The following THSD7B variants were observed in gnomAD, a reference collection of about 807,000 sequenced individuals.
THSD7B encodes the protein thrombospondin type-1 domain-containing protein 7B.
In THSD7B, 138 loss-of-function variants were observed where a neutral mutation model predicts 213.6. The ratio of observed to expected loss-of-function variants is 0.65; its 90% CI spans 0.56 to 0.74. The LOEUF is 0.74. THSD7B is among the 30% of genes least tolerant of loss of function. The pLI, the probability that THSD7B is intolerant of heterozygous loss-of-function variation, is 0.00. For synonymous variants in THSD7B, 742 were observed against 687.0 expected, an observed-to-expected ratio of 1.08 and a Z score of -1.25; for missense variants, 1,931 against 1,991.5, an observed-to-expected ratio of 0.97 and a Z score of 0.58.
chr2:137,646,407 C>T (rs952160763), intron 21 of THSD7B, among the ~76,000 whole-genome samples: 3 of 147,300 alleles, frequency 2.0e-5, no homozygotes, highest in East Asian at 2.0e-4. Flanking sequence ...TTTGGGAGGC[C>T]GAGGAGGGTG....
chr2:137,056,586 C>T lies in THSD7B; in HGVS notation c.306C>T (p.Asp102=). 1 of 1,613,856 alleles carries T rather than the reference C, an allele frequency of 6.2e-7. No homozygotes were observed. The highest frequency in any genetic ancestry group is 8.5e-7 in the Non-Finnish European group (1 of 1,179,876). ...SCFRVCDWHS[D]LFQWEVSDWH... Reference sequence around the variant, plus strand: ...TCCGAGTTTGTGACTGGCACAGTGACCTCTTTCAGTGGGAGGTTTCTGACT... The same window carrying T: ...TCCGAGTTTGTGACTGGCACAGTGATCTCTTTCAGTGGGAGGTTTCTGACT... Residue 102 remains aspartate (D), a synonymous_variant, in exon 3 of 28, where the codon GAC becomes GAT. Coordinates refer to ENST00000409968, the MANE Select transcript of THSD7B (RefSeq NM_001316349.2).
chr2:137,017,005 TG>T (rs1686354222), intron 2 of THSD7B, among the ~76,000 whole-genome samples: 1 of 152,180 alleles, frequency 6.6e-6, no homozygotes, highest in South Asian at 2.1e-4. Context: ...CCCATTATGT[TG>T]TAAATAGGAA....
intron 7 of THSD7B, among the ~76,000 whole-genome samples, chr2:137,203,718 GTA>G (rs1680924687): frequency 6.6e-6 from 1 of 152,058 alleles, no homozygotes; most frequent in African/African-American, 2.4e-5. Flanking sequence ...GTGTGTTTGT[GTA>G]TGTGTGTGTG....
intron 3 of THSD7B, among the ~76,000 whole-genome samples, chr2:137,063,295 AATTGT>A (rs1478565317): frequency 1.3e-5 from 2 of 152,024 alleles, no homozygotes; most frequent in Non-Finnish European, 2.9e-5. Flanking sequence ...TCATCAATAC[AATTGT>A]ATTAATATTT....
intron 15 of THSD7B, among the ~76,000 whole-genome samples, chr2:137,531,295 G>A (rs1021994581): frequency 2.0e-5 from 3 of 151,828 alleles, no homozygotes; most frequent in African/African-American, 7.3e-5. Context: ...ATTAATCATG[G>A]CAATTAGGCT....
intron 12 of THSD7B, among the ~76,000 whole-genome samples, chr2:137,379,227 T>G: frequency 6.6e-6 from 1 of 152,228 alleles, no homozygotes; most frequent in East Asian, 1.9e-4. Context: ...TTCACTTTTT[T>G]TGAGGCAACA....
At chr2:137,317,937 G>A (rs1269502346) in intron 12 of THSD7B, among the ~76,000 whole-genome samples, 1 of 151,888 alleles carries the variant, frequency 6.6e-6, no homozygotes, top group Non-Finnish European at 1.5e-5. Context: ...TATGGGGGAG[G>A]GGGGAAGAAA....
intron 12 of THSD7B, among the ~76,000 whole-genome samples, chr2:137,383,995 T>G (rs995826466): frequency 2.0e-5 from 3 of 152,138 alleles, no homozygotes; most frequent in African/African-American, 7.2e-5. Context: ...AATTAAGCAT[T>G]TTTTTAAAAA....
chr2:137,298,762 C>T (rs951093129), intron 12 of THSD7B, among the ~76,000 whole-genome samples: 1 of 152,138 alleles, frequency 6.6e-6, no homozygotes, highest in African/African-American at 2.4e-5. Flanking sequence ...TGGTGTTGAG[C>T]CTGCGGGTGC....
In THSD7B at chr2:137,487,396, A is replaced by AAAAAAAAAAAAAC. The variant is rs757398774; in HGVS notation, c.3138+36376_3138+36377insAAAAAAAAACAAA. Among the ~76,000 whole-genome samples, 36 of 120,934 alleles carry AAAAAAAAAAAAAC rather than the reference A, an allele frequency of 3.0e-4. 2 individuals carry two copies. Among genetic ancestry groups the AAAAAAAAAAAAAC allele is most frequent in the South Asian group, 8.1e-4 (3 of 3,694 alleles). 79.3% of individuals were successfully genotyped at this position (120,934 alleles called of 152,430 possible). On this transcript the variant is annotated intron_variant, in intron 15 of 27. Transcript: ENST00000409968. ...TCTCAAAAAAAAAAAAAAAAAAAAAAAAAGAACTAGAAAAGCAAGAGCAAA... is the reference window on the plus strand; with the variant it reads ...TCTCAAAAAAAAAAAAAAAAAAAAAAAAAAAAAAAAAACAAAGAACTAGAAAAGCAAGAGCAAA...
At chr2:137,519,030 G>A (rs1476072307) in intron 15 of THSD7B, among the ~76,000 whole-genome samples, 2 of 152,158 alleles carry the variant, frequency 1.3e-5, no homozygotes, top group Non-Finnish European at 2.9e-5. Flanking sequence ...GGTGGATCAC[G>A]AGGTCAGGAG....
intron 12 of THSD7B, among the ~76,000 whole-genome samples, chr2:137,316,363 T>C (rs895732956): frequency 6.6e-6 from 1 of 152,266 alleles, no homozygotes; most frequent in Non-Finnish European, 1.5e-5. Context: ...ACTAAGAATT[T>C]ACTCCAGGTT....
intron 1 of THSD7B, among the ~76,000 whole-genome samples, chr2:136,840,337 C>T (rs992997050): frequency 1.3e-5 from 2 of 152,050 alleles, no homozygotes; most frequent in Non-Finnish European, 2.9e-5. Flanking sequence ...TGAGATTGCG[C>T]CATTGCACTC....
At chr2:136,833,737 T>G (rs973713130) in intron 1 of THSD7B, among the ~76,000 whole-genome samples, 1 of 152,204 alleles carries the variant, frequency 6.6e-6, no homozygotes, top group Non-Finnish European at 1.5e-5. Flanking sequence ...AGACCATCAT[T>G]AAGCGTCTTT....
chr2:137,230,764 C>T (rs1681617475), intron 7 of THSD7B, among the ~76,000 whole-genome samples: 1 of 152,098 alleles, frequency 6.6e-6, no homozygotes, highest in Non-Finnish European at 1.5e-5. Context: ...TATGGTTGTC[C>T]ATAACACATC....
At position 137,524,758 on chromosome 2, in the gene THSD7B, T is replaced by C. The variant is rs758614164; in HGVS notation, c.3139-38463T>C. Among the ~76,000 whole-genome samples, 9 of 152,190 alleles carry C rather than the reference T, an allele frequency of 5.9e-5. No homozygotes were observed. In the South Asian group the frequency reaches 1.0e-3, roughly 18 times the overall value. ...GACAACCTTAAGACTGTTCTTAGGATGAATATTCCATGGATATGTACCTGT... is the reference window on the plus strand; with the variant it reads ...GACAACCTTAAGACTGTTCTTAGGACGAATATTCCATGGATATGTACCTGT... On this transcript the variant is annotated intron_variant, in intron 15 of 27. Coordinates refer to ENST00000409968, the MANE Select transcript of THSD7B (RefSeq NM_001316349.2).
intron 18 of THSD7B, among the ~76,000 whole-genome samples, chr2:137,617,894 T>A (rs1682436953): frequency 6.6e-6 from 1 of 152,146 alleles, no homozygotes. Flanking sequence ...ATTTCATTCA[T>A]GAGAGCTCAG....
intron 9 of THSD7B, among the ~76,000 whole-genome samples, chr2:137,237,675 T>G (rs1681798563): frequency 6.6e-6 from 1 of 152,220 alleles, no homozygotes; most frequent in South Asian, 2.1e-4. Flanking sequence ...CTTTACCTTT[T>G]TCAGAAGTTG....
chr2:137,518,947 C>T (rs967860610), intron 15 of THSD7B, among the ~76,000 whole-genome samples: 1 of 152,142 alleles, frequency 6.6e-6, no homozygotes, highest in Non-Finnish European at 1.5e-5. Flanking sequence ...GGTTTGTCCT[C>T]ACTGGAAAAG....
Sources: allele counts gnomAD v4.1 joint callset (sites outside exome capture counted in the v4.1 genomes callset), GRCh38; gene constraint gnomAD v4.1.1; transcripts MANE v1.5; gene names NCBI Gene and HGNC (gene_info 2026-07-23, HGNC 2026-07-21).